Variants in NRG1 observed in about 807,000 individuals in gnomAD.
The protein encoded by NRG1 is neuregulin 1, also known as pro-neuregulin-1, membrane-bound isoform.
Under a neutral mutation model 63.8 loss-of-function variants are expected in NRG1, and 18 were observed. That is an observed-to-expected ratio of 0.28 (90% confidence interval 0.19 to 0.42). NRG1 has a LOEUF of 0.42. Among genes scored for constraint, NRG1 ranks in the 10% least tolerant of loss-of-function variants. The probability of loss-of-function intolerance (pLI) is 1.00; values close to 1 mark genes in which losing one functional copy is unlikely to be tolerated. For synonymous variants in NRG1, 302 were observed against 301.3 expected, an observed-to-expected ratio of 1.00 and a Z score of -0.02; for missense variants, 762 against 814.7, an observed-to-expected ratio of 0.94 and a Z score of 0.79.
chr8:32,131,644 G>T (rs1834836190), intron 1 of NRG1, among the ~76,000 whole-genome samples: 1 of 151,998 alleles, frequency 6.6e-6, no homozygotes, highest in Non-Finnish European at 1.5e-5. Flanking sequence ...ACAGAAAAGG[G>T]CATGAAAGTA....
chr8:32,504,299 C>G (rs6468117), intron 1 of NRG1, among the ~76,000 whole-genome samples: 2 of 151,872 alleles, frequency 1.3e-5, no homozygotes, highest in Non-Finnish European at 1.5e-5. Context: ...GAAAGGGAAC[C>G]CTCTCCTGCC....
At chr8:32,728,141 T>C (rs1822711940) in intron 6 of NRG1, 63 bp downstream of exon 6, 1 of 1,596,056 alleles carries the variant, frequency 6.3e-7, no homozygotes, top group Non-Finnish European at 8.5e-7. Flanking sequence ...TGATTCTATG[T>C]CTCATGATGT....
intron 1 of NRG1, among the ~76,000 whole-genome samples, chr8:32,478,718 G>A (rs570449706): frequency 1.3e-5 from 2 of 152,132 alleles, no homozygotes; most frequent in South Asian, 2.1e-4. Context: ...GAAGGTAATC[G>A]AGAGCCAAGG....
intron 5 of NRG1, among the ~76,000 whole-genome samples, chr8:32,642,734 C>T (rs990168463): frequency 3.9e-5 from 6 of 152,090 alleles, no homozygotes; most frequent in African/African-American, 1.4e-4. Context: ...ACTCTTTTGC[C>T]AGCCGTAAAA....
chr8:32,251,786 C>T (rs1849138577), intron 1 of NRG1, among the ~76,000 whole-genome samples: 2 of 152,146 alleles, frequency 1.3e-5, no homozygotes, highest in African/African-American at 4.8e-5. Context: ...TTTTGAGTTG[C>T]ATTTCTCTAA....
chr8:31,951,557 A>C (rs980269060), intron 1 of NRG1, among the ~76,000 whole-genome samples: 4 of 152,246 alleles, frequency 2.6e-5, no homozygotes, highest in Non-Finnish European at 5.9e-5. Context: ...TTCCCAGTCC[A>C]TCTAAAAATA....
chr8:31,947,306 CAAAAAAAAAAAAAAAA>C (rs61713691), intron 1 of NRG1, among the ~76,000 whole-genome samples: 2 of 132,662 alleles, frequency 1.5e-5, no homozygotes, highest in Non-Finnish European at 1.5e-5. Flanking sequence ...GACTCCGTCT[CAAAAAAAAAAAAAAAA>C]AAAAAAAAAA....
At chr8:32,536,507 G>A (rs1256383151) in intron 1 of NRG1, among the ~76,000 whole-genome samples, 5 of 152,098 alleles carry the variant, frequency 3.3e-5, no homozygotes, top group Non-Finnish European at 5.9e-5. Context: ...AAAGCCAACC[G>A]ACTAACAACT....
At chr8:32,195,382 T>G (rs753918818) in intron 1 of NRG1, among the ~76,000 whole-genome samples, 22 of 151,638 alleles carry the variant, frequency 1.5e-4, no homozygotes, top group Non-Finnish European at 3.1e-4. Context: ...AAGGCTGCAG[T>G]TAGCATTGCT....
At chr8:32,321,140 G>T (rs548128282) in intron 1 of NRG1, among the ~76,000 whole-genome samples, 1 of 152,006 alleles carries the variant, frequency 6.6e-6, no homozygotes, top group Non-Finnish European at 1.5e-5. Flanking sequence ...TACAACCCCC[G>T]TGAGATATAG....
chr8:31,902,405 C>T (rs1331764843), intron 1 of NRG1, among the ~76,000 whole-genome samples: 1 of 152,122 alleles, frequency 6.6e-6, no homozygotes, highest in African/African-American at 2.4e-5. Context: ...ATTATTGGGT[C>T]ATCTTGTACA....
intron 1 of NRG1, among the ~76,000 whole-genome samples, chr8:31,893,483 A>T (rs1036915705): frequency 1.3e-5 from 2 of 151,582 alleles, no homozygotes; most frequent in Non-Finnish European, 3.0e-5. Flanking sequence ...TTTATATGTC[A>T]AAAATCATTT....
intron 1 of NRG1, among the ~76,000 whole-genome samples, chr8:31,886,314 C>A (rs1169141735): frequency 6.6e-6 from 1 of 151,986 alleles, no homozygotes; most frequent in East Asian, 1.9e-4. Flanking sequence ...ATCACTCATC[C>A]AGAGATGATC....
chr8:32,179,288 G>T (rs186158212), intron 1 of NRG1, among the ~76,000 whole-genome samples: 4 of 151,516 alleles, frequency 2.6e-5, no homozygotes, highest in African/African-American at 9.7e-5. Flanking sequence ...CTCCTGATGC[G>T]GAAGTGGCAA....
chr8:31,666,918 G>A (rs539050601), intron 1 of NRG1, among the ~76,000 whole-genome samples: 1 of 152,292 alleles, frequency 6.6e-6, no homozygotes, highest in South Asian at 2.1e-4. Context: ...GCCAAATAGT[G>A]CTCTAAGCTG....
Position 32,523,441 on chromosome 8 carries a change from G to A in NRG1, c.38-72387G>A, listed in dbSNP as rs550990747. Among the ~76,000 whole-genome samples the A allele has an allele frequency of 1.6e-4, 24 of 152,170 alleles. No homozygotes were observed. In the South Asian group the frequency reaches 1.9e-3, roughly 12 times the overall value. ...TATATTACTATTTAATGGAGTTAGC[G>A]TTGCTATTTTTAAAAGAGTTTATTT... On this transcript the variant is annotated intron_variant, in intron 1 of 10. Transcript: ENST00000519301.
intron 1 of NRG1, among the ~76,000 whole-genome samples, chr8:31,851,197 A>G (rs186245220): frequency 1.3e-5 from 2 of 152,332 alleles, no homozygotes; most frequent in Admixed American, 1.3e-4. Flanking sequence ...CCTTCAATCT[A>G]TATTGCTAAT....
chr8:31,683,032 T>G (rs899395337), intron 1 of NRG1, among the ~76,000 whole-genome samples: 7 of 152,128 alleles, frequency 4.6e-5, no homozygotes, highest in Non-Finnish European at 8.8e-5. Context: ...GAGCATTCTG[T>G]GTATTCTTAT....
intron 1 of NRG1, among the ~76,000 whole-genome samples, chr8:32,302,689 C>T (rs925654430): frequency 1.4e-5 from 2 of 146,496 alleles, no homozygotes; most frequent in Admixed American, 1.4e-4. Flanking sequence ...CTGTGGCATG[C>T]AGAGAGTAGT....
Sources: allele counts gnomAD v4.1 joint callset (sites outside exome capture counted in the v4.1 genomes callset), GRCh38; gene constraint gnomAD v4.1.1; transcripts MANE v1.5; gene names NCBI Gene and HGNC (gene_info 2026-07-23, HGNC 2026-07-21).